Variants in ALK observed in about 807,000 individuals in gnomAD.
ALK encodes ALK receptor tyrosine kinase.
In ALK, 74 loss-of-function variants were observed where a neutral mutation model predicts 163.1. The ratio of observed to expected loss-of-function variants is 0.45; its 90% CI spans 0.38 to 0.55. The LOEUF is 0.55. ALK is among the 20% of genes least tolerant of loss of function. The pLI, the probability that ALK is intolerant of heterozygous loss-of-function variation, is 0.00. For synonymous variants in ALK, 960 were observed against 843.2 expected, an observed-to-expected ratio of 1.14 and a Z score of -2.40; for missense variants, 2,063 against 2,105.3, an observed-to-expected ratio of 0.98 and a Z score of 0.39.
Position 29,920,556 on chromosome 2 carries a change from C to T in ALK, c.104G>A (p.Gly35Glu), listed in dbSNP as rs766479433. 1 of 1,602,264 alleles carries T rather than the reference C, an allele frequency of 6.2e-7. No homozygotes were observed. Among genetic ancestry groups the T allele is most frequent in the Non-Finnish European group, 8.5e-7 (1 of 1,176,816 alleles). The change falls in exon 1 of 29, where the codon GGG becomes GAG. Residue 35 changes from glycine (G) to glutamate (E), a missense_variant. Gly to Glu is a moderately conservative substitution (Grantham distance 98). This residue lies in a region of ALK where 987 missense variants were observed against 939.5 expected (regional missense o/e 1.05). Transcript: ENST00000389048. Reference protein sequence around the residue: ...TGQRAGSPAAGPPLQPREPLS... With the variant: ...TGQRAGSPAAEPPLQPREPLS... ...TGGCTCCCGGGGCTGCAGCGGCGGC[C>T]CCGCAGCTGGGGAGCCCGCGCGCTG...
chr2:29,773,793 A>C (rs1455326973), intron 1 of ALK, among the ~76,000 whole-genome samples: 2 of 152,222 alleles, frequency 1.3e-5, no homozygotes, highest in Non-Finnish European at 2.9e-5. Flanking sequence ...ATAAGACTTC[A>C]AAGAGGAAGA....
Position 29,920,937 on chromosome 2 carries a change from C to T in ALK, c.-278G>A, listed in dbSNP as rs972999588. ...GGGACCTTGAGCCTCCCGCTCTCCG[C>T]GCCGAGTGCCGCGCCCCCGTCTGTA... On this transcript the variant is annotated 5_prime_UTR_variant, in exon 1 of 29. Coordinates refer to ENST00000389048, the MANE Select transcript of ALK (RefSeq NM_004304.5). The T allele has an allele frequency of 6.0e-5, 30 of 501,030 alleles. No homozygotes were observed. The highest frequency in any genetic ancestry group is 1.0e-4 in the Non-Finnish European group (29 of 279,980). The allele number at this position is 501,030 out of a possible 1,614,324, so 31.0% of individuals were successfully genotyped here.
chr2:29,872,572 G>A (rs184655843), intron 1 of ALK, among the ~76,000 whole-genome samples: 1 of 152,322 alleles, frequency 6.6e-6, no homozygotes, highest in African/African-American at 2.4e-5. Flanking sequence ...TCATGGTTGT[G>A]TGGCTGACTG....
intron 1 of ALK, among the ~76,000 whole-genome samples, chr2:29,875,740 T>C (rs1666688239): frequency 6.6e-6 from 1 of 152,086 alleles, no homozygotes; most frequent in Non-Finnish European, 1.5e-5. Flanking sequence ...GCTTTATCCA[T>C]GTCCCTGCAA....
chr2:29,478,148 GGATT>G (rs1671573158), intron 4 of ALK, among the ~76,000 whole-genome samples: 1 of 152,126 alleles, frequency 6.6e-6, no homozygotes, highest in African/African-American at 2.4e-5. Flanking sequence ...AGAAATATGA[GGATT>G]GATATAATCA....
intron 1 of ALK, among the ~76,000 whole-genome samples, chr2:29,798,025 G>C (rs1664364628): frequency 6.6e-6 from 1 of 151,502 alleles, no homozygotes; most frequent in South Asian, 2.1e-4. Context: ...CTGCAGGCTT[G>C]TGACCAGGTA....
intron 8 of ALK, among the ~76,000 whole-genome samples, chr2:29,299,976 G>T (rs114985329): frequency 6.6e-6 from 1 of 152,166 alleles, no homozygotes; most frequent in Non-Finnish European, 1.5e-5. Context: ...TCTCCTACCT[G>T]GAAGGTCTAA....
At chr2:29,699,264 C>T (rs934914144) in intron 2 of ALK, among the ~76,000 whole-genome samples, 1 of 152,214 alleles carries the variant, frequency 6.6e-6, no homozygotes, top group African/African-American at 2.4e-5. Flanking sequence ...TCCTGGCGGT[C>T]TTCCACGCAC....
intron 23 of ALK, among the ~76,000 whole-genome samples, chr2:29,217,426 A>G (rs1573115456): frequency 6.6e-6 from 1 of 151,676 alleles, no homozygotes; most frequent in African/African-American, 2.4e-5. Flanking sequence ...ACATTGGCAA[A>G]CCCGATGCTG....
intron 1 of ALK, among the ~76,000 whole-genome samples, chr2:29,753,872 T>C (rs1680442170): frequency 6.6e-6 from 1 of 152,232 alleles, no homozygotes; most frequent in Non-Finnish European, 1.5e-5. Context: ...TGCTTTGGCA[T>C]TAGCACCAAA....
chr2:29,328,932 C>A (rs1330735098), intron 5 of ALK, among the ~76,000 whole-genome samples: 1 of 152,168 alleles, frequency 6.6e-6, no homozygotes, highest in Non-Finnish European at 1.5e-5. Flanking sequence ...CAGGTTCTAC[C>A]ACTGGAGTGA....
At chr2:29,340,200 T>C (rs1029898903) in intron 5 of ALK, among the ~76,000 whole-genome samples, 3 of 152,222 alleles carry the variant, frequency 2.0e-5, no homozygotes, top group African/African-American at 7.2e-5. Context: ...AATATGTCAT[T>C]TTCTCCTCTT....
chr2:29,326,917 G>T (rs1356142091), intron 6 of ALK, among the ~76,000 whole-genome samples: 1 of 152,156 alleles, frequency 6.6e-6, no homozygotes, highest in African/African-American at 2.4e-5. Flanking sequence ...CCGGGTCTGG[G>T]CCCCACCCCA....
intron 3 of ALK, among the ~76,000 whole-genome samples, chr2:29,589,550 T>A (rs1558398200): frequency 6.6e-6 from 1 of 152,192 alleles, no homozygotes; most frequent in East Asian, 1.9e-4. Flanking sequence ...ATAAGGCAGG[T>A]CTTTTGGGTC....
chr2:29,376,909 C>G (rs1339894559), intron 5 of ALK, among the ~76,000 whole-genome samples: 1 of 152,156 alleles, frequency 6.6e-6, no homozygotes, highest in Non-Finnish European at 1.5e-5. Context: ...CCAACATTGT[C>G]TTTGGTGGAG....
At chr2:29,545,503 C>T (rs1390104077) in intron 3 of ALK, among the ~76,000 whole-genome samples, 1 of 152,176 alleles carries the variant, frequency 6.6e-6, no homozygotes, top group East Asian at 1.9e-4. Flanking sequence ...AACTTCAAAG[C>T]TCTAGAGGCT....
intron 4 of ALK, among the ~76,000 whole-genome samples, chr2:29,402,888 C>G (rs10188439): frequency 0.32 from 49,220 of 152,000 alleles, 8,541 homozygotes; most frequent in Non-Finnish European, 0.39. Context: ...CTCCCTACCC[C>G]CTCTTTGTTA....
chr2:29,537,576 A>G (rs1187106336), intron 3 of ALK, among the ~76,000 whole-genome samples: 1 of 152,242 alleles, frequency 6.6e-6, no homozygotes, highest in Admixed American at 6.5e-5. Context: ...AAGAAACTCT[A>G]CTAGGTCCAT....
intron 15 of ALK, among the ~76,000 whole-genome samples, chr2:29,231,719 G>A (rs1664213216): frequency 6.6e-6 from 1 of 152,194 alleles, no homozygotes; most frequent in Non-Finnish European, 1.5e-5. Flanking sequence ...ATACAAAAAG[G>A]AATTGCATTT....
Sources: gnomAD v4.1 joint callset for allele counts (sites outside exome capture counted in the v4.1 genomes callset) on GRCh38, gnomAD v4.1.1 for gene constraint, gnomAD v4.1.1 regional missense constraint, MANE v1.5 for transcripts, NCBI Gene and HGNC (gene_info 2026-07-23, HGNC 2026-07-21) for gene names.